The following CCDC171 variants were observed in gnomAD, a reference collection of about 807,000 sequenced individuals.
CCDC171 encodes the protein coiled-coil domain-containing protein 171.
Under a neutral mutation model 168.2 loss-of-function variants are expected in CCDC171, and 177 were observed. The observed-to-expected ratio is 1.05, with a 90% CI of 0.93 to 1.19. The LOEUF is 1.19. Ranked by LOEUF, CCDC171 falls within the 50% of genes most tolerant of loss-of-function variation. The pLI is 0.00. For missense variants in CCDC171, 1,991 were observed against 1,539.0 expected (o/e 1.29, Z -4.91); for synonymous variants, 687 against 540.8 (o/e 1.27, Z -3.75).
At chr9:16,023,721 T>C (rs1381309465) in intron 6 of CCDC171, among the ~76,000 whole-genome samples, 1 of 152,172 alleles carries the variant, frequency 6.6e-6, no homozygotes, top group Non-Finnish European at 1.5e-5. Flanking sequence ...TTGCTTTTTT[T>C]CTCTGAATGT....
At chr9:16,045,617 GAGATGGTA>G (rs1833648586) in intron 1 of CCDC171, among the ~76,000 whole-genome samples, 1 of 152,170 alleles carries the variant, frequency 6.6e-6, no homozygotes, top group South Asian at 2.1e-4. Flanking sequence ...ACCATGCTCT[GAGATGGTA>G]AAGGCCATGG....
intron 6 of CCDC171, among the ~76,000 whole-genome samples, chr9:15,600,513 G>T (rs2042756632): frequency 6.6e-6 from 1 of 152,160 alleles, no homozygotes; most frequent in South Asian, 2.1e-4. Flanking sequence ...TCGCAGAGGA[G>T]TACCCGGCCG....
At chr9:15,678,457 C>T (rs373199850) in intron 9 of CCDC171, among the ~76,000 whole-genome samples, 5 of 152,068 alleles carry the variant, frequency 3.3e-5, no homozygotes, top group African/African-American at 4.8e-5. Flanking sequence ...AATTGAACTA[C>T]GGTAGGTGGG....
At chr9:15,572,221 C>T (rs1014654900) in intron 3 of CCDC171, among the ~76,000 whole-genome samples, 1 of 152,072 alleles carries the variant, frequency 6.6e-6, no homozygotes, top group African/African-American at 2.4e-5. Context: ...ATATATATTT[C>T]ATATGTATAT....
chr9:16,104,820 C>T, the CCDC171 span, among the ~76,000 whole-genome samples: 1 of 151,900 alleles, frequency 6.6e-6, no homozygotes, highest in Non-Finnish European at 1.5e-5. Context: ...GAATGATGAC[C>T]AAATATAGAT....
At chr9:15,637,348 T>C (rs2046276490) in intron 7 of CCDC171, among the ~76,000 whole-genome samples, 1 of 152,172 alleles carries the variant, frequency 6.6e-6, no homozygotes, top group Non-Finnish European at 1.5e-5. Context: ...CAACCCGGTA[T>C]TGACTTTTTT....
chr9:16,085,691 C>A, the CCDC171 span, among the ~76,000 whole-genome samples: 2 of 152,184 alleles, frequency 1.3e-5, no homozygotes, highest in Non-Finnish European at 2.9e-5. Flanking sequence ...GGTATTGATG[C>A]CAAATTATCA....
rs2049744350 is a variant in CCDC171 at position 15,677,926 on chromosome 9, A to G, written c.1077-832A>G. 1.1e-4 allele frequency among the ~76,000 whole-genome samples: 3 copies of G among 28,240 alleles called. 1 individual carries two copies. Among genetic ancestry groups the G allele is most frequent in the African/African-American group, 3.3e-4 (2 of 6,126 alleles). The allele number at this position is 28,240 out of a possible 152,430, so 18.5% of individuals were successfully genotyped here. On this transcript the variant is annotated intron_variant, in intron 9 of 25. Transcript: ENST00000380701. The stretch of plus-strand genomic sequence containing the variant: ...TATATATATATATATATATATATAT[A>G]AGAGATGTGGTCTCATTCTGTTACC...
intron 18 of CCDC171, among the ~76,000 whole-genome samples, chr9:15,760,141 C>G (rs1365068007): frequency 6.6e-6 from 1 of 152,070 alleles, no homozygotes; most frequent in Non-Finnish European, 1.5e-5. Flanking sequence ...TTTTTGAGAA[C>G]TTGCTAAAAA....
intron 24 of CCDC171, among the ~76,000 whole-genome samples, chr9:15,880,457 C>G (rs868463953): frequency 2.7e-5 from 2 of 72,886 alleles, no homozygotes; most frequent in Non-Finnish European, 6.9e-5. Flanking sequence ...AATTCTCTCT[C>G]TCTCTCTTTT....
In CCDC171 at chr9:15,630,658, G is replaced by C. The variant is rs558857403; in HGVS notation, c.822+7245G>C. 6.1e-3 allele frequency among the ~76,000 whole-genome samples: 928 copies of C among 152,264 alleles called. 8 individuals are homozygous for C. The highest frequency in any genetic ancestry group is 0.022 in the African/African-American group (903 of 41,554). On this transcript the variant is annotated intron_variant, in intron 7 of 25. Coordinates refer to ENST00000380701, the MANE Select transcript of CCDC171 (RefSeq NM_173550.4). Reference sequence around the variant, plus strand: ...CAAGGATATCCAGGAATTGAACTCAGCTCTGCACCAAGCAGACCTAATAGA... The same window carrying C: ...CAAGGATATCCAGGAATTGAACTCACCTCTGCACCAAGCAGACCTAATAGA...
At chr9:16,089,603 C>T in the CCDC171 span, among the ~76,000 whole-genome samples, 2 of 151,798 alleles carry the variant, frequency 1.3e-5, no homozygotes, top group Non-Finnish European at 2.9e-5. Context: ...CATGGCTAGC[C>T]AGTTTTCCCA....
chr9:15,789,725 A>G (rs1489569359), intron 21 of CCDC171, among the ~76,000 whole-genome samples: 1 of 150,258 alleles, frequency 6.7e-6, no homozygotes, highest in Non-Finnish European at 1.5e-5. Context: ...TACATTAGGT[A>G]TATCTCCTAA....
chr9:16,082,655 G>C, the CCDC171 span, among the ~76,000 whole-genome samples: 1 of 152,120 alleles, frequency 6.6e-6, no homozygotes, highest in Non-Finnish European at 1.5e-5. Context: ...GAGAGTGTAC[G>C]CATGTGTATG....
chr9:16,072,609 G>T, the CCDC171 span, among the ~76,000 whole-genome samples: 4 of 152,054 alleles, frequency 2.6e-5, no homozygotes, highest in African/African-American at 7.2e-5. Context: ...CTGGCTTTTG[G>T]CTGATCTGGT....
chr9:16,004,332 CTGAA>C (rs1489562907), intron 3 of CCDC171, among the ~76,000 whole-genome samples: 1 of 152,092 alleles, frequency 6.6e-6, no homozygotes, highest in Non-Finnish European at 1.5e-5. Flanking sequence ...TGAAAAATAA[CTGAA>C]AGAAAGAAAG....
chr9:16,081,339 T>C, the CCDC171 span, among the ~76,000 whole-genome samples: 2 of 152,210 alleles, frequency 1.3e-5, no homozygotes, highest in Non-Finnish European at 2.9e-5. Context: ...TCTCCCTTAC[T>C]GGTCAGGGCT....
At chr9:15,794,053 C>T (rs1181971585) in intron 21 of CCDC171, among the ~76,000 whole-genome samples, 1 of 151,050 alleles carries the variant, frequency 6.6e-6, no homozygotes. Flanking sequence ...GCATCCTTAT[C>T]TTGTTTCCAG....
rs149805154 is a variant in CCDC171, at chr9:15,728,031, G to C, written c.1855G>C (p.Glu619Gln). The change falls in exon 15 of 26, where the codon GAG becomes CAG. Residue 619 changes from glutamate to glutamine, a missense_variant. Physicochemically the swap from Glu to Gln is conservative, Grantham distance 29 (BLOSUM62 2). Transcript: ENST00000380701. ...ALIADLNRAN[E>Q]KIRHLEYICK... The stretch of plus-strand genomic sequence containing the variant: ...GATTGCAGACCTCAACAGGGCTAAT[G>C]AGAAGGTAACTGTCCTCAGGCACCA... 2.3e-4 allele frequency: 371 copies of C among 1,610,384 alleles called. 1 individual carries two copies. In the African/African-American group the frequency reaches 4.0e-3, roughly 18 times the overall value.
Sources: gnomAD v4.1 joint callset for allele counts (sites outside exome capture counted in the v4.1 genomes callset) on GRCh38, gnomAD v4.1.1 for gene constraint, MANE v1.5 for transcripts, NCBI Gene and HGNC (gene_info 2026-07-23, HGNC 2026-07-21) for gene names.